Variants in ABCA7 observed in about 807,000 individuals in gnomAD.
ABCA7 encodes the protein ATP binding cassette subfamily A member 7, also known as phospholipid-transporting ATPase ABCA7.
ABCA7 carries 261 observed loss-of-function variants against 227.6 expected under a neutral mutation model. The observed-to-expected ratio is 1.15, with a 90% CI of 1.04 to 1.27. The LOEUF is 1.27. Ranked by LOEUF, ABCA7 falls within the 50% of genes most tolerant of loss-of-function variation. The pLI is 0.00. For synonymous variants in ABCA7, 1,488 were observed against 1,279.7 expected (o/e 1.16, Z -3.47); for missense variants, 3,331 against 2,924.5 (o/e 1.14, Z -3.21).
Position 1,046,328 on chromosome 19 carries a change from T to A in ABCA7, c.1544T>A (p.Val515Asp). 1 of 1,602,836 alleles carries A rather than the reference T, an allele frequency of 6.2e-7. No individual in the cohort carries two copies. Among genetic ancestry groups the A allele is most frequent in the East Asian group, 2.2e-5 (1 of 44,812 alleles). Residue 515 changes from valine to aspartate, a missense_variant, in exon 13 of 47, where the codon GTC becomes GAC. Physicochemically the swap from Val to Asp is radical, Grantham distance 152. Coordinates refer to ENST00000263094, the MANE Select transcript of ABCA7 (RefSeq NM_019112.4). The part of the protein sequence containing the change: ...YLQDLVERAA[V>D]RVLSGANPRA... ...CAAGACCTGGTGGAGCGTGCAGCCGTCCGCGTGCTCAGCGGCGCCAACCCC... is the reference window on the plus strand; with the variant it reads ...CAAGACCTGGTGGAGCGTGCAGCCGACCGCGTGCTCAGCGGCGCCAACCCC...
chr19:1,058,380 G>A (rs1473447628), intron 37 of ABCA7, 111 bp downstream of exon 37: 1 of 1,490,870 alleles, frequency 6.7e-7, no homozygotes. Context: ...AGACAGCCAG[G>A]GTTCTTAGGT....
At chr19:1,045,836 TA>T (rs573935216) in intron 12 of ABCA7, among the ~76,000 whole-genome samples, 98 of 145,206 alleles carry the variant, frequency 6.7e-4, no homozygotes, top group Admixed American at 6.8e-4. Flanking sequence ...CTGCCTCTAC[TA>T]AAAAAAAAAA....
chr19:1,041,055 A>C, intron 1 of ABCA7, 170 bp from the exon 2 acceptor site: 1 of 463,672 alleles, frequency 2.2e-6, no homozygotes, highest in East Asian at 4.0e-5. Flanking sequence ...TCCCTGGAGG[A>C]TTAGAGGATG....
intron 10 of ABCA7, 128 bp downstream of exon 10, chr19:1,043,969 G>T (rs1214460897): frequency 1.3e-5 from 10 of 750,176 alleles, no homozygotes; most frequent in Non-Finnish European, 2.2e-5. Context: ...ATGGAGTCTC[G>T]CTCTGTCGCC....
chr19:1,062,924 C>G (rs1308339082), intron 42 of ABCA7, among the ~76,000 whole-genome samples: 3 of 144,136 alleles, frequency 2.1e-5, no homozygotes, highest in African/African-American at 7.7e-5. Flanking sequence ...GCCCCATACT[C>G]ATGCTGGCTC....
rs1482975239 is a variant in ABCA7, at chr19:1,054,532, G to A, written c.3727-38G>A. 8.1e-6 allele frequency: 13 copies of A among 1,596,658 alleles called. No individual in the cohort carries two copies. The highest frequency in any genetic ancestry group is 1.0e-5 in the Non-Finnish European group (12 of 1,169,672). Reference sequence around the variant, plus strand: ...GGGACAGGTGCAAGCAAGCCTGGAGGGTGGATGGAAGCAGCAGCTGATGGG... The same window carrying A: ...GGGACAGGTGCAAGCAAGCCTGGAGAGTGGATGGAAGCAGCAGCTGATGGG... On this transcript the variant is annotated intron_variant, in intron 27 of 46. Coordinates refer to ENST00000263094, the MANE Select transcript of ABCA7 (RefSeq NM_019112.4). This position sits in a 1 kb window ranked among gnomAD's most constrained non-coding sequence, Gnocchi z 4.8.
chr19:1,042,454 C>T (rs1442825465), intron 6 of ABCA7, 57 bp downstream of exon 6: 3 of 1,596,130 alleles, frequency 1.9e-6, no homozygotes, highest in Non-Finnish European at 2.6e-6. Context: ...TGGGGATGTC[C>T]TGGCACTGCC....
chr19:1,049,901 C>T (rs573850583), intron 18 of ABCA7, among the ~76,000 whole-genome samples: 1 of 13,498 alleles, frequency 7.4e-5, no homozygotes. Context: ...CCCTGTGAGC[C>T]CCCCCACCAC....
intron 5 of ABCA7, 36 bp from the exon 6 acceptor site, chr19:1,042,279 C>T: frequency 6.3e-7 from 1 of 1,576,192 alleles, no homozygotes; most frequent in Non-Finnish European, 8.7e-7. Flanking sequence ...GACCAACGTC[C>T]CCCCAGCCCC....
intron 12 of ABCA7, chr19:1,045,464 G>C (rs1243328295): frequency 3.6e-6 from 2 of 563,078 alleles, no homozygotes; most frequent in Admixed American, 6.4e-5. Flanking sequence ...ATGAGAGCAG[G>C]TATAGGTTGA....
rs150594667 is a variant in ABCA7 at position 1,056,150 on chromosome 19, G to T, written c.4323G>T (p.Ala1441=). The T allele has an allele frequency of 4.5e-4, 731 of 1,609,448 alleles. 8 individuals carry two copies. The East Asian group carries it at 0.013, about 29-fold the overall frequency. ...GCCGCTCAGTGGAGGAGTTGTGGGC[G>T]CTGCTGAGTCCCCTGCCTGGCGGGG... The part of the protein sequence containing the change: ...ELGRSVEELW[A]LLSPLPGGAL... Residue 1441 remains alanine (A), a synonymous_variant, in exon 32 of 47, where the codon GCG becomes GCT. Coordinates refer to ENST00000263094, the MANE Select transcript of ABCA7 (RefSeq NM_019112.4). The surrounding 1 kb of genome is among the most constrained non-coding windows in gnomAD (Gnocchi z 4.3).
Position 1,059,071 on chromosome 19 carries a change from A to AT in ABCA7, c.5451dup (p.Pro1818SerfsTer4). The AT allele has an allele frequency of 1.9e-6, 3 of 1,613,310 alleles. No homozygotes were observed. Among genetic ancestry groups the AT allele is most frequent in the Non-Finnish European group, 2.5e-6 (3 of 1,179,898 alleles). Reference sequence around the variant, plus strand: ...AGCTGTTGACCGCTTGTGCCTGGGGATTCCCCCTGGTGAGGTGAGTCCAGG... The same window carrying AT: ...AGCTGTTGACCGCTTGTGCCTGGGGATTTCCCCCTGGTGAGGTGAGTCCAGG... On this transcript the variant is annotated frameshift_variant, in exon 40 of 47. Coordinates refer to ENST00000263094, the MANE Select transcript of ABCA7 (RefSeq NM_019112.4). LOFTEE classifies it high-confidence loss of function.
At chr19:1,053,240 C>A in intron 23 of ABCA7, 89 bp from the exon 24 acceptor site, 1 of 1,353,474 alleles carries the variant, frequency 7.4e-7, no homozygotes. Flanking sequence ...CCGGGACAGT[C>A]CCCTCACAGG....
chr19:1,041,264 G>A lies in ABCA7; in HGVS notation c.-98G>A. ...CTGCGCTGTGGGATAAAGGAATGAG[G>A]TTCAGAAAGGGGCAGGGAGTTGCCC... On this transcript the variant is annotated 5_prime_UTR_variant, in exon 2 of 47. Transcript: ENST00000263094. The A allele has an allele frequency of 8.1e-7, 1 of 1,237,388 alleles. No individual in the cohort carries two copies. Among genetic ancestry groups the A allele is most frequent in the Non-Finnish European group, 1.2e-6 (1 of 843,596 alleles). 76.7% of individuals were successfully genotyped at this position (1,237,388 alleles called of 1,614,324 possible).
chr19:1,041,874 C>T lies in ABCA7; in HGVS notation c.204C>T (p.Pro68=), dbSNP rs779101555. The change falls in exon 4 of 47, where the codon CCC becomes CCT. Residue 68 remains proline, a synonymous_variant. Coordinates refer to ENST00000263094, the MANE Select transcript of ABCA7 (RefSeq NM_019112.4). ...NKPLPSAGTV[P]WLQGLICNVN... Reference sequence around the variant, plus strand: ...CACTGCCATCGGCGGGCACCGTGCCCTGGCTCCAGGGTCTCATCTGTAATG... The same window carrying T: ...CACTGCCATCGGCGGGCACCGTGCCTTGGCTCCAGGGTCTCATCTGTAATG... 2.7e-5 allele frequency: 43 copies of T among 1,598,282 alleles called. No homozygotes were observed. Among genetic ancestry groups the T allele is most frequent in the Non-Finnish European group, 3.5e-5 (41 of 1,177,284 alleles).
At chr19:1,051,918 T>C in intron 21 of ABCA7, 24 bp from the exon 22 acceptor site, 1 of 1,605,828 alleles carries the variant, frequency 6.2e-7, no homozygotes, top group Non-Finnish European at 8.5e-7. Context: ...TGATGGTAGT[T>C]GTGGGTTGGT....
chr19:1,041,099 A>C (rs557496970), intron 1 of ABCA7, 126 bp from the exon 2 acceptor site: 44 of 577,074 alleles, frequency 7.6e-5, no homozygotes, highest in African/African-American at 7.3e-4. Flanking sequence ...CCCTGCTCAG[A>C]GCGACAGTCC....
chr19:1,063,889 C>A, intron 44 of ABCA7, 26 bp downstream of exon 44: 1 of 1,511,206 alleles, frequency 6.6e-7, no homozygotes, highest in Non-Finnish European at 8.9e-7. Context: ...ATGCCCTGGG[C>A]TGTGGTTAAG....
At chr19:1,044,780 G>A in intron 11 of ABCA7, 36 bp downstream of exon 11, 1 of 1,559,772 alleles carries the variant, frequency 6.4e-7, no homozygotes, top group Non-Finnish European at 8.7e-7. Context: ...CTGTTTCAGT[G>A]GGGAGGGCAG....
Sources: gnomAD v4.1 joint callset for allele counts (sites outside exome capture counted in the v4.1 genomes callset) on GRCh38, gnomAD v4.1.1 for gene constraint, Gnocchi (gnomAD v3.1) non-coding constraint, MANE v1.5 for transcripts, NCBI Gene and HGNC (gene_info 2026-07-23, HGNC 2026-07-21) for gene names.